The following TBX19 variants were observed in gnomAD, a reference collection of about 807,000 sequenced individuals.
TBX19 encodes T-box transcription factor 19.
A neutral mutation model predicts 40.9 loss-of-function variants in TBX19; 33 were observed. The ratio of observed to expected loss-of-function variants is 0.81; its 90% confidence interval spans 0.61 to 1.08. The LOEUF (loss-of-function observed/expected upper bound fraction) is 1.08. Ranked by LOEUF, TBX19 falls within the 50% of genes least tolerant of loss-of-function variation. The pLI, the probability that TBX19 is intolerant of heterozygous loss-of-function variation, is 0.00. For synonymous variants in TBX19, 220 were observed against 225.0 expected (o/e 0.98, Z 0.20); for missense variants, 494 against 574.0 (o/e 0.86, Z 1.42).
At chr1:168,286,531 A>G (rs893796671) in intron 1 of TBX19, among the ~76,000 whole-genome samples, 3 of 152,260 alleles carry the variant, frequency 2.0e-5, no homozygotes, top group Non-Finnish European at 4.4e-5. Context: ...AATGTGGTCA[A>G]GGTTCATCAA....
intron 2 of TBX19, among the ~76,000 whole-genome samples, chr1:168,292,139 T>G (rs1426218343): frequency 6.6e-6 from 1 of 152,174 alleles, no homozygotes; most frequent in Admixed American, 6.5e-5. Context: ...CCTGTTTGGC[T>G]TTCCCTCAGC....
chr1:168,283,366 AT>A (rs1648711400), intron 1 of TBX19, among the ~76,000 whole-genome samples: 1 of 152,030 alleles, frequency 6.6e-6, no homozygotes, highest in Non-Finnish European at 1.5e-5. Context: ...TAGGGTCAAG[AT>A]TTTGCCAGGA....
intron 7 of TBX19, among the ~76,000 whole-genome samples, chr1:168,310,673 TA>T (rs902312961): frequency 1.2e-4 from 18 of 146,336 alleles, no homozygotes; most frequent in African/African-American, 3.3e-4. Flanking sequence ...TATATATATA[TA>T]AAAAAATATA....
intron 2 of TBX19, among the ~76,000 whole-genome samples, chr1:168,292,248 G>T (rs1266149205): frequency 6.6e-6 from 1 of 152,176 alleles, no homozygotes; most frequent in Non-Finnish European, 1.5e-5. Flanking sequence ...ACCCGAGTCT[G>T]TGATACTCAG....
intron 1 of TBX19, among the ~76,000 whole-genome samples, chr1:168,283,703 T>C (rs1391375818): frequency 6.6e-6 from 1 of 152,202 alleles, no homozygotes; most frequent in Non-Finnish European, 1.5e-5. Flanking sequence ...TGCAGGTAGA[T>C]TTGTGGCCCT....
rs373407654 is a variant in TBX19 at position 168,312,751 on chromosome 1, C to T, written c.1096C>T (p.Pro366Ser). The T allele has an allele frequency of 8.7e-6, 14 of 1,614,114 alleles. No individual in the cohort carries two copies. Among genetic ancestry groups the T allele is most frequent in the Admixed American group, 1.7e-5 (1 of 60,034 alleles). Residue 366 changes from proline (P) to serine (S), a missense_variant, in exon 8 of 8, where the codon CCC becomes TCC. This residue lies in a region of TBX19 where 284 missense variants were observed against 307.3 expected (regional missense o/e 0.92). Transcript: ENST00000367821. ...GACCATCAGCAATGGTGCCGGAGGC[C>T]CCAGTGGGCCAGGCCCGGAGGTGCA... ...LWTISNGAGG[P>S]SGPGPEVHAS...
intron 3 of TBX19, among the ~76,000 whole-genome samples, chr1:168,295,096 G>T (rs1649067911): frequency 1.3e-5 from 2 of 152,106 alleles, no homozygotes; most frequent in Admixed American, 1.3e-4. Flanking sequence ...TTCCAGACCA[G>T]CCTGGCCAAC....
At chr1:168,287,824 G>T (rs1333695806) in intron 1 of TBX19, among the ~76,000 whole-genome samples, 1 of 151,836 alleles carries the variant, frequency 6.6e-6, no homozygotes, top group Non-Finnish European at 1.5e-5. Context: ...GGAAAACTTT[G>T]AGGGGGACTT....
intron 2 of TBX19, among the ~76,000 whole-genome samples, chr1:168,292,044 A>C (rs1648955753): frequency 6.6e-6 from 1 of 152,118 alleles, no homozygotes; most frequent in African/African-American, 2.4e-5. Flanking sequence ...GAAGGTTGCT[A>C]GTTACTTTCT....
At chr1:168,299,509 C>T (rs1027655651) in intron 4 of TBX19, among the ~76,000 whole-genome samples, 1 of 152,084 alleles carries the variant, frequency 6.6e-6, no homozygotes, top group Non-Finnish European at 1.5e-5. Flanking sequence ...TGGGGTCTTG[C>T]TCTATCACGC....
rs1648631907 is a variant in TBX19 at position 168,280,990 on chromosome 1, G to T, written c.-101G>T. On this transcript the variant is annotated 5_prime_UTR_variant, in exon 1 of 8. Transcript: ENST00000367821. ...AGGGTATCTTCTCTCCGCTCCCCAA[G>T]CACTGTTCAAGTGGGTTTGAAAAGC... 9.0e-7 allele frequency: 1 copy of T among 1,114,628 alleles called. No individual in the cohort carries two copies. Among genetic ancestry groups the T allele is most frequent in the Non-Finnish European group, 1.3e-6 (1 of 746,234 alleles). 69.0% of individuals were successfully genotyped at this position (1,114,628 alleles called of 1,614,324 possible). A position where few individuals can be genotyped will look rare whatever the true frequency, so the allele number is the denominator to read the frequency against.
At chr1:168,290,311 C>T (rs188129369) in intron 1 of TBX19, among the ~76,000 whole-genome samples, 71 of 152,240 alleles carry the variant, frequency 4.7e-4, no homozygotes, top group African/African-American at 1.6e-3. Flanking sequence ...GAAGAAGGAT[C>T]GATGAATCTA....
intron 1 of TBX19, among the ~76,000 whole-genome samples, chr1:168,283,901 G>GT (rs748277108): frequency 6.6e-6 from 1 of 152,144 alleles, no homozygotes; most frequent in Non-Finnish European, 1.5e-5. Flanking sequence ...TTGAAATAGC[G>GT]TAAGATGGGC....
intron 3 of TBX19, among the ~76,000 whole-genome samples, chr1:168,294,963 AT>A (rs780989699): frequency 1.1e-4 from 16 of 152,120 alleles, no homozygotes; most frequent in Non-Finnish European, 1.9e-4. Context: ...ACTATTATCA[AT>A]CTTTGTCATC....
At chr1:168,307,421 C>A (rs1649431069) in intron 6 of TBX19, among the ~76,000 whole-genome samples, 1 of 151,988 alleles carries the variant, frequency 6.6e-6, no homozygotes, top group East Asian at 1.9e-4. Context: ...GAGGCTAAAC[C>A]CATCCTTTTA....
rs1558192788 is a variant in TBX19 at position 168,298,831 on chromosome 1, CTTTCTTT to C, written c.665+1047_665+1053del. Reference sequence around the variant, plus strand: ...CCTCCCTCCCTCCCTTCCTTTCTTTCTTTCTTTCTTTCTTTCTTTCTTTCTTTCTTTC... The same window carrying C: ...CCTCCCTCCCTCCCTTCCTTTCTTTCCTTTCTTTCTTTCTTTCTTTCTTTC... On this transcript the variant is annotated intron_variant, in intron 4 of 7. Transcript: ENST00000367821. Among the ~76,000 whole-genome samples the C allele has an allele frequency of 5.8e-4, 20 of 34,572 alleles. 3 individuals carry two copies. Among genetic ancestry groups the C allele is most frequent in the African/African-American group, 1.8e-3 (10 of 5,590 alleles). The allele number at this position is 34,572 out of a possible 152,430, so 22.7% of individuals were successfully genotyped here. A position where few individuals can be genotyped will look rare whatever the true frequency, so the allele number is the denominator to read the frequency against.
At chr1:168,303,981 C>T (rs1453749737) in intron 5 of TBX19, among the ~76,000 whole-genome samples, 1 of 152,124 alleles carries the variant, frequency 6.6e-6, no homozygotes, top group Non-Finnish European at 1.5e-5. Flanking sequence ...TCAGCAAGGC[C>T]TTTGTTGTAT....
At chr1:168,301,013 T>G (rs1270674171) in intron 5 of TBX19, among the ~76,000 whole-genome samples, 1 of 152,234 alleles carries the variant, frequency 6.6e-6, no homozygotes, top group Admixed American at 6.5e-5. Context: ...GGTGTTACCT[T>G]GTCCATGTCC....
intron 7 of TBX19, 28 bp downstream of exon 7, chr1:168,308,905 T>C (rs1383821527): frequency 8.7e-6 from 14 of 1,614,034 alleles, no homozygotes; most frequent in Middle Eastern, 1.6e-4. Flanking sequence ...AACTCGCTCA[T>C]TGGTCGTCTT....
Sources: allele counts gnomAD v4.1 joint callset (sites outside exome capture counted in the v4.1 genomes callset), GRCh38; gene constraint gnomAD v4.1.1; regional missense constraint gnomAD v4.1.1; transcripts MANE v1.5; gene names NCBI Gene and HGNC (gene_info 2026-07-23, HGNC 2026-07-21).